VPS13B: variants seen among roughly 807,000 people sequenced by gnomAD.
VPS13B encodes the protein intermembrane lipid transfer protein VPS13B.
A neutral mutation model predicts 426.4 loss-of-function variants in VPS13B; 285 were observed. The ratio of observed to expected loss-of-function variants is 0.67; its 90% confidence interval spans 0.61 to 0.74. VPS13B has a LOEUF of 0.74. Among genes scored for constraint, VPS13B ranks in the 30% least tolerant of loss-of-function variants. The pLI, the probability that VPS13B is intolerant of heterozygous loss-of-function variation, is 0.00. For synonymous variants in VPS13B, 1,676 were observed against 1,676.4 expected (o/e 1.00, Z 0.01); for missense variants, 4,537 against 4,782.6 (o/e 0.95, Z 1.51).
chr8:99,392,556 T>C (rs1046213923), intron 21 of VPS13B, among the ~76,000 whole-genome samples: 1 of 152,082 alleles, frequency 6.6e-6, no homozygotes, highest in Non-Finnish European at 1.5e-5. Flanking sequence ...AAGTCTGTTA[T>C]GGGCAAGACT....
intron 10 of VPS13B, 124 bp from the exon 11 acceptor site, chr8:99,135,472 C>G: frequency 7.7e-7 from 1 of 1,294,220 alleles, no homozygotes; most frequent in Non-Finnish European, 1.1e-6. Context: ...CAGCAGCATT[C>G]CTTATCTTTC....
chr8:99,838,000 CGT>C (rs1197132134), intron 54 of VPS13B, among the ~76,000 whole-genome samples: 1 of 152,156 alleles, frequency 6.6e-6, no homozygotes, highest in Non-Finnish European at 1.5e-5. Flanking sequence ...AAGATAGTCT[CGT>C]GTTGTAGAAT....
intron 43 of VPS13B, 137 bp downstream of exon 43, chr8:99,784,613 C>G (rs1286094005): frequency 1.8e-5 from 21 of 1,192,864 alleles, no homozygotes; most frequent in Non-Finnish European, 2.4e-5. Context: ...CTGACGGAAA[C>G]CCAAGAGTGT....
At chr8:99,337,760 C>A (rs904883513) in intron 19 of VPS13B, among the ~76,000 whole-genome samples, 11 of 152,020 alleles carry the variant, frequency 7.2e-5, no homozygotes, top group African/African-American at 2.2e-4. Context: ...GTGATTAGTG[C>A]TTTTATGATT....
At chr8:99,561,754 G>C (rs1249454137) in intron 31 of VPS13B, among the ~76,000 whole-genome samples, 1 of 152,188 alleles carries the variant, frequency 6.6e-6, no homozygotes, top group Non-Finnish European at 1.5e-5. Context: ...CTTACAATGA[G>C]TTTGTCAGGA....
chr8:99,121,485 T>G, intron 8 of VPS13B, 40 bp downstream of exon 8: 1 of 1,609,342 alleles, frequency 6.2e-7, no homozygotes, highest in Non-Finnish European at 8.5e-7. Flanking sequence ...CTATCAACTT[T>G]AATGCTTAAA....
At chr8:99,043,010 T>C (rs1183614204) in intron 3 of VPS13B, among the ~76,000 whole-genome samples, 3 of 152,222 alleles carry the variant, frequency 2.0e-5, no homozygotes, top group Non-Finnish European at 4.4e-5. Flanking sequence ...ATGAAGGGCT[T>C]CAGAATTATT....
chr8:99,756,870 A>G (rs1007131377), intron 39 of VPS13B, among the ~76,000 whole-genome samples: 1 of 152,224 alleles, frequency 6.6e-6, no homozygotes, highest in Non-Finnish European at 1.5e-5. Context: ...TATTTAATCT[A>G]AAAATTATTA....
chr8:99,273,159 G>GAT (rs1554705497), intron 17 of VPS13B, among the ~76,000 whole-genome samples: 1 of 129,460 alleles, frequency 7.7e-6, no homozygotes, highest in African/African-American at 2.8e-5. Context: ...TACTCAGGTA[G>GAT]TTTTTTTTTT....
At chr8:99,429,172 C>G (rs1462454448) in intron 21 of VPS13B, among the ~76,000 whole-genome samples, 1 of 151,500 alleles carries the variant, frequency 6.6e-6, no homozygotes, top group Non-Finnish European at 1.5e-5. Context: ...GGAGATATAC[C>G]TAATGTTAAA....
intron 4 of VPS13B, among the ~76,000 whole-genome samples, chr8:99,101,431 C>T (rs970127580): frequency 4.6e-5 from 7 of 152,118 alleles, no homozygotes; most frequent in Non-Finnish European, 8.8e-5. Context: ...CGTGCTTGGC[C>T]CCATTTTTGT....
chr8:99,165,798 A>G (rs1169221263), intron 15 of VPS13B, among the ~76,000 whole-genome samples: 1 of 152,188 alleles, frequency 6.6e-6, no homozygotes, highest in South Asian at 2.1e-4. Flanking sequence ...GGGGTCAGCA[A>G]AATTTTGCCT....
At chr8:99,143,363 A>G (rs1810536984) in intron 13 of VPS13B, among the ~76,000 whole-genome samples, 198 bp downstream of exon 13, 1 of 152,204 alleles carries the variant, frequency 6.6e-6, no homozygotes, top group Admixed American at 6.5e-5. Context: ...AAATTATTGC[A>G]CAAGTACTTT....
At chr8:99,482,527 G>A (rs1820098643) in intron 25 of VPS13B, among the ~76,000 whole-genome samples, 1 of 152,170 alleles carries the variant, frequency 6.6e-6, no homozygotes, top group South Asian at 2.1e-4. Context: ...ATAGTCACAT[G>A]CAATTACTGT....
At chr8:99,460,417 C>A (rs1818761705) in intron 23 of VPS13B, among the ~76,000 whole-genome samples, 1 of 151,930 alleles carries the variant, frequency 6.6e-6, no homozygotes, top group Non-Finnish European at 1.5e-5. Flanking sequence ...ATAATATAAC[C>A]CAATGTTACA....
chr8:99,544,922 A>G (rs1823884960), intron 30 of VPS13B, among the ~76,000 whole-genome samples: 1 of 152,184 alleles, frequency 6.6e-6, no homozygotes, highest in Non-Finnish European at 1.5e-5. Context: ...CAGTGCTGTA[A>G]TTCATTTTAC....
At chr8:99,458,308 A>G (rs1207963800) in intron 23 of VPS13B, among the ~76,000 whole-genome samples, 1 of 152,070 alleles carries the variant, frequency 6.6e-6, no homozygotes, top group Non-Finnish European at 1.5e-5. Flanking sequence ...TTCTTAATCC[A>G]GTCTATCGTT....
At chr8:99,494,222 T>C (rs1245668258) in intron 25 of VPS13B, among the ~76,000 whole-genome samples, 1 of 152,152 alleles carries the variant, frequency 6.6e-6, no homozygotes, top group Non-Finnish European at 1.5e-5. Flanking sequence ...TACATTCACA[T>C]TGTTATACAA....
At position 99,835,640 on chromosome 8, in the gene VPS13B, A is replaced by G. The variant is rs780359126; in HGVS notation, c.9844A>G (p.Lys3282Glu). 1.9e-6 allele frequency: 3 copies of G among 1,614,198 alleles called. No individual in the cohort carries two copies. The highest frequency in any genetic ancestry group is 2.5e-6 in the Non-Finnish European group (3 of 1,180,044). ...QISSYPDCKT[K>E]DLLPSLLLRV... ...TTCCAGTTATCCGGACTGCAAGACC[A>G]AAGACTTACTTCCAAGCCTACTTTT... Residue 3282 changes from lysine (K) to glutamate (E), a missense_variant, in exon 54 of 62, where the codon AAA (lysine) becomes GAA (glutamate). By Grantham distance (56) the Lys-to-Glu change is moderately conservative (BLOSUM62 1). This residue lies in a region of VPS13B where 4,311 missense variants were observed against 4,474.3 expected (regional missense o/e 0.96). Coordinates refer to ENST00000357162, the MANE Select transcript of VPS13B (RefSeq NM_152564.5).
Sources: allele counts gnomAD v4.1 joint callset (sites outside exome capture counted in the v4.1 genomes callset), GRCh38; gene constraint gnomAD v4.1.1; regional missense constraint gnomAD v4.1.1; transcripts MANE v1.5; gene names NCBI Gene and HGNC (gene_info 2026-07-23, HGNC 2026-07-21).